JMY: variants seen among roughly 807,000 people sequenced by gnomAD.
JMY encodes junction mediating and regulatory protein, p53 cofactor.
Under a neutral mutation model 103.3 loss-of-function variants are expected in JMY, and 46 were observed. The ratio of observed to expected loss-of-function variants is 0.45; its 90% CI spans 0.35 to 0.57. The LOEUF is 0.57. JMY is among the 20% of genes least tolerant of loss of function. The probability of loss-of-function intolerance (pLI) is 0.00; values close to 1 mark genes in which losing one functional copy is unlikely to be tolerated. For missense variants in JMY, 1,238 were observed against 1,255.2 expected (o/e 0.99, Z 0.21); for synonymous variants, 526 against 489.3 (o/e 1.07, Z -0.99).
chr5:79,268,468 TTTTA>T (rs943604295), intron 1 of JMY, among the ~76,000 whole-genome samples: 1 of 146,014 alleles, frequency 6.8e-6, no homozygotes, highest in Admixed American at 6.7e-5. Flanking sequence ...TTGAGCATCT[TTTTA>T]TTTATTTTTT....
chr5:79,320,404 G>A (rs1384974709), intron 10 of JMY, among the ~76,000 whole-genome samples: 3 of 151,286 alleles, frequency 2.0e-5, no homozygotes, highest in Admixed American at 6.6e-5. Context: ...CAGTGGCGCC[G>A]TATTTGGCTC....
intron 1 of JMY, among the ~76,000 whole-genome samples, chr5:79,270,342 ATATT>A: frequency 7.1e-6 from 1 of 140,868 alleles, no homozygotes; most frequent in Non-Finnish European, 1.5e-5. Context: ...TTTAAAATAT[ATATT>A]TACATAAATA....
intron 1 of JMY, among the ~76,000 whole-genome samples, chr5:79,268,799 AC>A (rs1486962295): frequency 2.6e-5 from 4 of 152,076 alleles, no homozygotes; most frequent in Admixed American, 2.6e-4. Context: ...GCATCTTTTC[AC>A]ATGCTTATTT....
At chr5:79,273,836 C>T (rs376613763) in intron 1 of JMY, among the ~76,000 whole-genome samples, 20 of 150,436 alleles carry the variant, frequency 1.3e-4, no homozygotes, top group African/African-American at 4.1e-4. Flanking sequence ...GTTTTTTTTT[C>T]TTTTTTCTTT....
Position 79,314,286 on chromosome 5 carries a change from A to C in JMY, c.2094A>C (p.Ser698=), listed in dbSNP as rs1747136757. Residue 698 remains serine, a synonymous_variant, in exon 9 of 11, where the codon TCA becomes TCC. Coordinates refer to ENST00000396137, the MANE Select transcript of JMY (RefSeq NM_152405.5). ...ATCCTGGGCAAGTCATACTTAAATCAACCAGATTACGACTAGCTCATGCAA... is the reference window on the plus strand; with the variant it reads ...ATCCTGGGCAAGTCATACTTAAATCCACCAGATTACGACTAGCTCATGCAA... ...QRYPGQVILK[S]TRLRLAHARR... is the part of the protein sequence containing the mutation. The C allele has an allele frequency of 1.9e-6, 3 of 1,613,076 alleles. No individual in the cohort carries two copies. In the South Asian group the frequency reaches 3.3e-5, roughly 18 times the overall value.
intron 3 of JMY, 58 bp from the exon 4 acceptor site, chr5:79,291,072 A>C: frequency 8.3e-7 from 1 of 1,203,870 alleles, no homozygotes; most frequent in Non-Finnish European, 1.1e-6. Flanking sequence ...ATCTTTTTCA[A>C]ATGCTTCAGT....
At chr5:79,277,096 C>A (rs753043699) in intron 1 of JMY, among the ~76,000 whole-genome samples, 71 of 152,048 alleles carry the variant, frequency 4.7e-4, no homozygotes, top group Admixed American at 9.2e-4. Context: ...GTTTGAAATT[C>A]TTTGTCTCTA....
At chr5:79,280,082 A>G (rs565388792) in intron 2 of JMY, among the ~76,000 whole-genome samples, 5 of 152,150 alleles carry the variant, frequency 3.3e-5, no homozygotes, top group Non-Finnish European at 5.9e-5. Context: ...GAACTCCAGC[A>G]ATCTGCCCAC....
Position 79,237,153 on chromosome 5 carries a change from C to A in JMY, c.503C>A (p.Ala168Asp). 2.6e-6 allele frequency: 4 copies of A among 1,548,052 alleles called. No individual in the cohort carries two copies. The highest frequency in any genetic ancestry group is 3.5e-6 in the Non-Finnish European group (4 of 1,145,746). Residue 168 changes from alanine to aspartate, a missense_variant, in exon 1 of 11, where the codon GCC (alanine) becomes GAC (aspartate). Ala to Asp is a moderately radical substitution (Grantham distance 126). Coordinates refer to ENST00000396137, the MANE Select transcript of JMY (RefSeq NM_152405.5). The part of the protein sequence containing the change: ...DDAAGAAAAA[A>D]RPAPREAQVS... ...GCGGCGGGGGCAGCCGCTGCAGCAG[C>A]CCGGCCGGCGCCCAGAGAGGCCCAG...
At chr5:79,308,781 T>C (rs1580369909) in intron 7 of JMY, among the ~76,000 whole-genome samples, 1 of 152,282 alleles carries the variant, frequency 6.6e-6, no homozygotes, top group East Asian at 1.9e-4. Flanking sequence ...CTCCTACACC[T>C]AACATCTTAA....
At chr5:79,283,662 C>T (rs1385312183) in intron 2 of JMY, among the ~76,000 whole-genome samples, 6 of 152,234 alleles carry the variant, frequency 3.9e-5, no homozygotes, top group African/African-American at 1.2e-4. Flanking sequence ...ATCAGTATAA[C>T]CTGGAATCCT....
At chr5:79,268,157 C>A (rs1745638501) in intron 1 of JMY, among the ~76,000 whole-genome samples, 1 of 152,166 alleles carries the variant, frequency 6.6e-6, no homozygotes, top group South Asian at 2.1e-4. Context: ...GTGGGAAAAT[C>A]ACTTGAGCCC....
At chr5:79,307,857 G>GA (rs1746935081) in intron 7 of JMY, among the ~76,000 whole-genome samples, 1 of 152,056 alleles carries the variant, frequency 6.6e-6, no homozygotes. Flanking sequence ...TCCTGTCTCA[G>GA]CCTCCTGAGT....
At chr5:79,295,146 G>A (rs1219469409) in intron 4 of JMY, among the ~76,000 whole-genome samples, 1 of 152,156 alleles carries the variant, frequency 6.6e-6, no homozygotes, top group Non-Finnish European at 1.5e-5. Flanking sequence ...TTAGGATTTG[G>A]ACAGTGCTGT....
At chr5:79,257,074 T>G (rs112933718) in intron 1 of JMY, among the ~76,000 whole-genome samples, 127 of 151,708 alleles carry the variant, frequency 8.4e-4, no homozygotes, top group Non-Finnish European at 1.5e-3. Flanking sequence ...TATTTGATTT[T>G]ATTTTTTTTT....
At chr5:79,240,430 C>T (rs759450380) in intron 1 of JMY, among the ~76,000 whole-genome samples, 17 of 152,154 alleles carry the variant, frequency 1.1e-4, no homozygotes, top group Admixed American at 3.3e-4. Flanking sequence ...CCTTGCTCAG[C>T]CTCCCAAGTA....
At chr5:79,285,448 T>G (rs1027831915) in intron 2 of JMY, among the ~76,000 whole-genome samples, 4 of 152,152 alleles carry the variant, frequency 2.6e-5, no homozygotes, top group Admixed American at 2.6e-4. Context: ...TTTTTACCAC[T>G]GTATGCATCC....
At chr5:79,281,063 G>A (rs1746091932) in intron 2 of JMY, among the ~76,000 whole-genome samples, 1 of 150,784 alleles carries the variant, frequency 6.6e-6, no homozygotes, top group Admixed American at 6.6e-5. Flanking sequence ...TTATTTTTTT[G>A]AGACAGAGTC....
In JMY at chr5:79,256,428, C is replaced by G. The variant is rs950240361; in HGVS notation, c.1032+18746C>G. On this transcript the variant is annotated intron_variant, in intron 1 of 10. Transcript: ENST00000396137. ...TGAGCCCACTTGGTGTTCTACCCCA[C>G]CGTGGCTGACCTGATAGCTAACCTG... Among the ~76,000 whole-genome samples, 4 of 152,060 alleles carry G rather than the reference C, an allele frequency of 2.6e-5. No individual in the cohort carries two copies. The South Asian group carries it at 8.3e-4, about 31-fold the overall frequency.
Sources: allele counts gnomAD v4.1 joint callset (sites outside exome capture counted in the v4.1 genomes callset), GRCh38; gene constraint gnomAD v4.1.1; transcripts MANE v1.5; gene names NCBI Gene and HGNC (gene_info 2026-07-23, HGNC 2026-07-21).